Variants in ENAH observed in about 807,000 individuals in gnomAD.
The protein encoded by ENAH is ENAH actin regulator.
A neutral mutation model predicts 78.7 loss-of-function variants in ENAH; 23 were observed. The ratio of observed to expected loss-of-function variants is 0.29; its 90% CI spans 0.21 to 0.41. The LOEUF (loss-of-function observed/expected upper bound fraction) is 0.41. ENAH is among the 10% of genes least tolerant of loss of function. The pLI is 1.00. For missense variants in ENAH, 544 were observed against 691.0 expected (o/e 0.79, Z 2.39); for synonymous variants, 226 against 241.0 (o/e 0.94, Z 0.58).
At chr1:225,593,231 T>A (rs934295063) in intron 1 of ENAH, among the ~76,000 whole-genome samples, 3 of 152,142 alleles carry the variant, frequency 2.0e-5, no homozygotes, top group African/African-American at 7.2e-5. Flanking sequence ...ATAGTTCACA[T>A]TAAAATTGAA....
chr1:225,506,517 C>T (rs1030132319), intron 11 of ENAH, among the ~76,000 whole-genome samples: 2 of 152,102 alleles, frequency 1.3e-5, no homozygotes, highest in African/African-American at 4.8e-5. Flanking sequence ...AATAAATCAG[C>T]ACTTCATAAT....
At chr1:225,517,351 G>A (rs2096428711) in intron 5 of ENAH, 45 bp from the exon 6 acceptor site, 1 of 1,551,602 alleles carries the variant, frequency 6.4e-7, no homozygotes, top group African/African-American at 1.4e-5. Flanking sequence ...TGAGGGAGTT[G>A]AGGCAATAGG....
chr1:225,624,016 C>T (rs1182484982), intron 1 of ENAH, among the ~76,000 whole-genome samples: 4 of 152,142 alleles, frequency 2.6e-5, no homozygotes, highest in African/African-American at 7.2e-5. Context: ...TGAGAACATG[C>T]GGTTATTTGG....
At chr1:225,634,712 A>C (rs1012429381) in intron 1 of ENAH, among the ~76,000 whole-genome samples, 3 of 152,232 alleles carry the variant, frequency 2.0e-5, no homozygotes, top group African/African-American at 7.2e-5. Context: ...GTCATCAAAA[A>C]TCTATTGAAT....
chr1:225,538,657 C>T (rs2096574375), intron 3 of ENAH, among the ~76,000 whole-genome samples: 1 of 151,888 alleles, frequency 6.6e-6, no homozygotes, highest in South Asian at 2.1e-4. Flanking sequence ...AACTTATGAC[C>T]CGAATGCATT....
chr1:225,513,835 T>C (rs1204013427), intron 7 of ENAH, among the ~76,000 whole-genome samples: 1 of 151,888 alleles, frequency 6.6e-6, no homozygotes, highest in Non-Finnish European at 1.5e-5. Flanking sequence ...CTACTAAAAA[T>C]ACAAAAATTA....
intron 1 of ENAH, among the ~76,000 whole-genome samples, chr1:225,585,810 A>G (rs2096843310): frequency 6.6e-6 from 1 of 152,018 alleles, no homozygotes; most frequent in Non-Finnish European, 1.5e-5. Flanking sequence ...TAAATAAATA[A>G]GAAAAAAATC....
In ENAH at chr1:225,555,068, C is replaced by A; in HGVS notation, c.187G>T (p.Ala63Ser). The change falls in exon 3 of 14, where the codon GCC (alanine) becomes TCC (serine). Residue 63 changes from alanine (A) to serine (S), a missense_variant. Physicochemically the swap from Ala to Ser is moderately conservative, Grantham distance 99. Coordinates refer to ENST00000366843, the MANE Select transcript of ENAH (RefSeq NM_018212.6). ...IQDHQVVINC[A>S]IPKGLKYNQA... is the part of the protein sequence containing the mutation. ...TTGTACTTCAACCCTTTAGGAATGGCACAGTTTATCACGACCTAAAAAATA... is the reference window on the plus strand; with the variant it reads ...TTGTACTTCAACCCTTTAGGAATGGAACAGTTTATCACGACCTAAAAAATA... 1 of 1,543,644 alleles carries A rather than the reference C, an allele frequency of 6.5e-7. No homozygotes were observed. The highest frequency in any genetic ancestry group is 8.8e-7 in the Non-Finnish European group (1 of 1,132,838).
At chr1:225,570,990 T>C (rs912912646) in intron 1 of ENAH, among the ~76,000 whole-genome samples, 4 of 152,018 alleles carry the variant, frequency 2.6e-5, no homozygotes, top group African/African-American at 9.7e-5. Context: ...AAAATACACA[T>C]AACATAACAA....
chr1:225,598,734 T>C (rs2096915139), intron 1 of ENAH, among the ~76,000 whole-genome samples: 4 of 151,870 alleles, frequency 2.6e-5, no homozygotes, highest in Admixed American at 2.6e-4. Flanking sequence ...AAAGCTGGAA[T>C]AGCAATCTTA....
chr1:225,538,659 G>A (rs376395670), intron 3 of ENAH, among the ~76,000 whole-genome samples: 5 of 149,516 alleles, frequency 3.3e-5, no homozygotes, highest in East Asian at 2.0e-4. Context: ...CTTATGACCC[G>A]AATGCATTTT....
At chr1:225,531,327 T>C (rs1217825409) in intron 3 of ENAH, among the ~76,000 whole-genome samples, 1 of 152,124 alleles carries the variant, frequency 6.6e-6, no homozygotes, top group Non-Finnish European at 1.5e-5. Context: ...GGTTCTGTCA[T>C]GAGACACTAA....
At position 225,506,559 on chromosome 1, in the gene ENAH, G is replaced by A. The variant is rs1401571826; in HGVS notation, c.1538+1392C>T. On this transcript the variant is annotated intron_variant, in intron 11 of 13. Transcript: ENST00000366843. ...CTGAAGAAAATCCGTAACTAGTAGAGATGTGTTAGAAGGCCATCTCAGTTA... is the reference window on the plus strand; with the variant it reads ...CTGAAGAAAATCCGTAACTAGTAGAAATGTGTTAGAAGGCCATCTCAGTTA... 1.4e-4 allele frequency among the ~76,000 whole-genome samples: 22 copies of A among 152,296 alleles called. No homozygotes were observed. The East Asian group carries it at 4.0e-3, about 28-fold the overall frequency.
intron 1 of ENAH, 128 bp downstream of exon 1, chr1:225,652,558 G>A (rs900156103): frequency 2.8e-6 from 3 of 1,069,896 alleles, no homozygotes; most frequent in Non-Finnish European, 2.4e-6. Context: ...GCGGAGGGGG[G>A]AGGAACAGAC....
intron 1 of ENAH, among the ~76,000 whole-genome samples, chr1:225,619,092 TACAC>T (rs373789317): frequency 5.8e-4 from 87 of 150,224 alleles, no homozygotes; most frequent in African/African-American, 1.9e-3. Context: ...TACAACCCAG[TACAC>T]ACACACACAC....
intron 4 of ENAH, among the ~76,000 whole-genome samples, chr1:225,522,349 C>A (rs929529753): frequency 1.3e-5 from 2 of 152,140 alleles, no homozygotes; most frequent in Non-Finnish European, 2.9e-5. Context: ...AAACACACAC[C>A]CTCTCCTGGA....
At chr1:225,652,617 G>A in intron 1 of ENAH, 69 bp downstream of exon 1, 2 of 1,248,500 alleles carry the variant, frequency 1.6e-6, no homozygotes. Context: ...GGCGGGGTCC[G>A]AGGAGAACGG....
At chr1:225,601,748 TA>T (rs1473909116) in intron 1 of ENAH, among the ~76,000 whole-genome samples, 7 of 151,940 alleles carry the variant, frequency 4.6e-5, no homozygotes, top group African/African-American at 1.7e-4. Flanking sequence ...CAGGAATCAA[TA>T]ATTTTTATAA....
chr1:225,591,228 G>A (rs999721212), intron 1 of ENAH, among the ~76,000 whole-genome samples: 1 of 152,184 alleles, frequency 6.6e-6, no homozygotes, highest in Admixed American at 6.5e-5. Context: ...CAGCCCTTTG[G>A]GAGGCCAAGG....
Sources: allele counts gnomAD v4.1 joint callset (sites outside exome capture counted in the v4.1 genomes callset), GRCh38; gene constraint gnomAD v4.1.1; transcripts MANE v1.5; gene names NCBI Gene and HGNC (gene_info 2026-07-23, HGNC 2026-07-21).